The following DOCK3 variants were observed in gnomAD, a reference collection of about 807,000 sequenced individuals.
DOCK3 encodes the protein dedicator of cytokinesis 3, also known as dedicator of cytokinesis protein 3.
In DOCK3, 60 loss-of-function variants were observed where a neutral mutation model predicts 265.6. That is an observed-to-expected ratio of 0.23 (90% CI 0.18 to 0.28). The LOEUF (loss-of-function observed/expected upper bound fraction) is 0.28. DOCK3 is among the 10% of genes least tolerant of loss of function. The pLI, the probability that DOCK3 is intolerant of heterozygous loss-of-function variation, is 1.00. For missense variants in DOCK3, 1,981 were observed against 2,594.3 expected (o/e 0.76, Z 5.14); for synonymous variants, 881 against 938.0 (o/e 0.94, Z 1.11).
chr3:50,905,941 A>G (rs1187615973), intron 4 of DOCK3, among the ~76,000 whole-genome samples: 1 of 152,076 alleles, frequency 6.6e-6, no homozygotes. Flanking sequence ...CATCCCATCA[A>G]TACCTAATTT....
At chr3:51,267,933 G>A (rs1024066612) in intron 23 of DOCK3, among the ~76,000 whole-genome samples, 3 of 152,036 alleles carry the variant, frequency 2.0e-5, no homozygotes, top group Non-Finnish European at 4.4e-5. Flanking sequence ...TAAGTGGGAG[G>A]TAAACAATGA....
rs143215030 is a variant in DOCK3, at chr3:51,272,887, G to A, written c.2548+1880G>A. Among the ~76,000 whole-genome samples the A allele has an allele frequency of 4.1e-4, 63 of 152,090 alleles. No homozygotes were observed. The East Asian group carries it at 7.4e-3, about 18-fold the overall frequency. On this transcript the variant is annotated intron_variant, in intron 24 of 52. Transcript: ENST00000266037. ...CTGCTTAAAGAAAATGCTTTTGGCC[G>A]GGCACGGTGGCTCACGCCTGTAATC...
At chr3:50,943,860 CT>C (rs1288294520) in intron 5 of DOCK3, among the ~76,000 whole-genome samples, 1 of 152,082 alleles carries the variant, frequency 6.6e-6, no homozygotes, top group Non-Finnish European at 1.5e-5. Context: ...GGTCTATCCA[CT>C]TCTATGATAG....
intron 9 of DOCK3, among the ~76,000 whole-genome samples, chr3:51,096,781 T>C (rs995749928): frequency 6.6e-6 from 1 of 152,248 alleles, no homozygotes; most frequent in Non-Finnish European, 1.5e-5. Flanking sequence ...CGTGGATTTA[T>C]CTACCTTTGA....
chr3:51,351,651 CTT>C (rs150338641), intron 40 of DOCK3, among the ~76,000 whole-genome samples: 68,382 of 95,376 alleles, frequency 0.72, 23,786 homozygotes, highest in East Asian at 0.88. Context: ...AGTAGAGAGA[CTT>C]TTTTTTTTTT....
rs574279873 is a variant in DOCK3 at position 51,326,697 on chromosome 3, C to G, written c.3403-3441C>G. On this transcript the variant is annotated intron_variant, in intron 32 of 52. Coordinates refer to ENST00000266037, the MANE Select transcript of DOCK3 (RefSeq NM_004947.5). ...AGTGCAATGGCATGATCTTGGCTCA[C>G]TGCAACCTCCTCCTCCCAGGTTCAA... Among the ~76,000 whole-genome samples, 70 of 152,040 alleles carry G rather than the reference C, an allele frequency of 4.6e-4. 1 individual carries two copies. In the South Asian group the frequency reaches 0.014, roughly 31 times the overall value.
intron 3 of DOCK3, among the ~76,000 whole-genome samples, chr3:50,852,247 G>T (rs544600835): frequency 6.6e-6 from 1 of 152,286 alleles, no homozygotes; most frequent in South Asian, 2.1e-4. Flanking sequence ...TCAGAGAGTT[G>T]ATCTTTATGC....
chr3:51,005,743 A>G (rs1212652678), intron 5 of DOCK3, among the ~76,000 whole-genome samples: 1 of 152,082 alleles, frequency 6.6e-6, no homozygotes, highest in Non-Finnish European at 1.5e-5. Flanking sequence ...CATCATCATC[A>G]TTTATGTGAT....
chr3:51,090,087 A>G (rs996746952), intron 8 of DOCK3, 143 bp from the exon 9 acceptor site: 4 of 977,504 alleles, frequency 4.1e-6, no homozygotes, highest in African/African-American at 1.7e-5. Context: ...AGCATCCCCT[A>G]CAAGCAGAGA....
At chr3:50,715,377 C>A (rs1305388872) in intron 1 of DOCK3, among the ~76,000 whole-genome samples, 1 of 151,882 alleles carries the variant, frequency 6.6e-6, no homozygotes, top group Non-Finnish European at 1.5e-5. Context: ...ATAGTAGGAC[C>A]CTATGTCAAC....
chr3:50,677,468 G>A (rs2034058790), intron 1 of DOCK3, among the ~76,000 whole-genome samples: 1 of 152,118 alleles, frequency 6.6e-6, no homozygotes, highest in Admixed American at 6.5e-5. Flanking sequence ...TTGCTATGAG[G>A]GCTAGCTTGA....
At chr3:50,692,169 G>A (rs1035421484) in intron 1 of DOCK3, among the ~76,000 whole-genome samples, 6 of 152,034 alleles carry the variant, frequency 3.9e-5, no homozygotes, top group South Asian at 2.1e-4. Flanking sequence ...CTCCTGCCTC[G>A]GGGTTCCAAA....
rs772556431 is a variant in DOCK3, at chr3:51,227,461, C to T, written c.1540+16C>T. 1.7e-5 allele frequency: 27 copies of T among 1,613,498 alleles called. No homozygotes were observed. The highest frequency in any genetic ancestry group is 2.3e-5 in the Non-Finnish European group (27 of 1,179,580). The stretch of plus-strand genomic sequence containing the variant: ...CATTGTTCCAGTGAGTTAGACTTCC[C>T]CCCCTCCACATTCCCTTGAGAATAT... On this transcript the variant is annotated intron_variant, in intron 16 of 52. Coordinates refer to ENST00000266037, the MANE Select transcript of DOCK3 (RefSeq NM_004947.5).
intron 5 of DOCK3, among the ~76,000 whole-genome samples, chr3:51,006,805 G>A (rs942632869): frequency 2.6e-5 from 4 of 152,090 alleles, no homozygotes; most frequent in Non-Finnish European, 4.4e-5. Flanking sequence ...CCGGGTGTAT[G>A]TTGTTCCCCA....
rs775055751 is a variant in DOCK3 at position 51,357,981 on chromosome 3, G to A, written c.4788G>A (p.Gly1596=). ...GATAGGTTCATGTCCTTGGAGTTGGGCTAGCAGTTCATGAGAAGTTTGTGC... is the reference window on the plus strand; with the variant it reads ...GATAGGTTCATGTCCTTGGAGTTGGACTAGCAGTTCATGAGAAGTTTGTGC... ...MQEQVHVLGV[G]LAVHEKFVHP... is the part of the protein sequence containing the mutation. Residue 1596 remains glycine, a synonymous_variant, in exon 46 of 53, where the codon GGG becomes GGA. Transcript: ENST00000266037. The A allele has an allele frequency of 9.4e-5, 151 of 1,614,006 alleles. 1 individual carries two copies. In the Middle Eastern group the frequency reaches 3.1e-3, roughly 34 times the overall value.
chr3:51,354,413 G>A (rs1208765729), intron 40 of DOCK3, among the ~76,000 whole-genome samples: 2 of 152,018 alleles, frequency 1.3e-5, no homozygotes. Flanking sequence ...TGCCCCCTCT[G>A]CCCAACTGCT....
At chr3:50,929,787 T>TA (rs1307811120) in intron 4 of DOCK3, among the ~76,000 whole-genome samples, 7 of 152,186 alleles carry the variant, frequency 4.6e-5, no homozygotes, top group Admixed American at 3.9e-4. Flanking sequence ...AAGACATCTG[T>TA]AAAAAATATA....
intron 9 of DOCK3, among the ~76,000 whole-genome samples, chr3:51,119,689 T>G (rs889439247): frequency 5.9e-5 from 9 of 152,154 alleles, no homozygotes; most frequent in Admixed American, 4.6e-4. Flanking sequence ...TAATCTTGTC[T>G]TCACGACTTA....
chr3:51,195,689 A>G (rs1251992876), intron 12 of DOCK3, among the ~76,000 whole-genome samples: 1 of 152,138 alleles, frequency 6.6e-6, no homozygotes, highest in African/African-American at 2.4e-5. Context: ...AAGTTCTGGG[A>G]TTACAGGCCT....
Sources: gnomAD v4.1 joint callset for allele counts (sites outside exome capture counted in the v4.1 genomes callset) on GRCh38, gnomAD v4.1.1 for gene constraint, MANE v1.5 for transcripts, NCBI Gene and HGNC (gene_info 2026-07-23, HGNC 2026-07-21) for gene names.